The following LIPH variants were observed in gnomAD, a reference collection of about 807,000 sequenced individuals.
LIPH encodes the protein lipase member H.
LIPH carries 32 observed loss-of-function variants against 47.6 expected under a neutral mutation model. The observed-to-expected ratio is 0.67, with a 90% confidence interval of 0.51 to 0.90. The LOEUF (loss-of-function observed/expected upper bound fraction) is 0.90, where lower values mean the gene tolerates loss of function less well. Among genes scored for constraint, LIPH ranks in the 40% least tolerant of loss-of-function variants. The probability of loss-of-function intolerance (pLI) is 0.00; values close to 1 mark genes in which losing one functional copy is unlikely to be tolerated. For missense variants in LIPH, 497 were observed against 541.4 expected (o/e 0.92, Z 0.81); for synonymous variants, 190 against 195.6 (o/e 0.97, Z 0.24).
intron 9 of LIPH, 46 bp downstream of exon 9, chr3:185,511,478 A>G: frequency 6.3e-7 from 1 of 1,577,768 alleles, no homozygotes; most frequent in Non-Finnish European, 8.7e-7. Flanking sequence ...GGATCCAGCA[A>G]CATCTTTGGA....
chr3:185,510,341 A>G (rs1428659115), intron 9 of LIPH, among the ~76,000 whole-genome samples: 3 of 152,228 alleles, frequency 2.0e-5, no homozygotes, highest in African/African-American at 7.2e-5. Flanking sequence ...TGCTAGGACT[A>G]TATGGTAGAC....
chr3:185,526,744 T>C (rs1353397888), intron 4 of LIPH, among the ~76,000 whole-genome samples: 3 of 148,814 alleles, frequency 2.0e-5, no homozygotes, highest in Non-Finnish European at 4.5e-5. Context: ...AAGACAGCAA[T>C]GGCCAAGAAG....
chr3:185,534,409 G>C (rs1416531075), intron 2 of LIPH, among the ~76,000 whole-genome samples: 5 of 151,516 alleles, frequency 3.3e-5, no homozygotes, highest in Non-Finnish European at 7.4e-5. Context: ...AGAAATCCTA[G>C]ACAGAACCTC....
rs1065096 is a variant in LIPH, at chr3:185,506,331, C to T, written c.*2459G>A. 0.42 allele frequency: 63,418 copies of T among 151,972 alleles called. 13,416 individuals carry two copies. Among genetic ancestry groups the T allele is most frequent in the Middle Eastern group, 0.48 (139 of 292 alleles). 9.4% of individuals were successfully genotyped at this position (151,972 alleles called of 1,614,324 possible). On this transcript the variant is annotated 3_prime_UTR_variant, in exon 10 of 10. Transcript: ENST00000296252. ...AACTTACTGAAATTCATCTCCTCTC[C>T]GGTGAACAAACTTCCTTTCTTTATC...
intron 3 of LIPH, among the ~76,000 whole-genome samples, chr3:185,529,477 T>C (rs1720241992): frequency 6.7e-6 from 1 of 149,362 alleles, no homozygotes. Context: ...GGGCACTTGC[T>C]ATGTTGCCCA....
At chr3:185,522,636 G>GAGAAAGAA (rs55846829) in intron 5 of LIPH, among the ~76,000 whole-genome samples, 1 of 138,836 alleles carries the variant, frequency 7.2e-6, no homozygotes, top group African/African-American at 2.7e-5. Context: ...AGAAGGAAAA[G>GAGAAAGAA]AAAGAGAGAA....
chr3:185,527,104 C>T (rs2148954607), intron 4 of LIPH, among the ~76,000 whole-genome samples: 1 of 152,038 alleles, frequency 6.6e-6, no homozygotes, highest in South Asian at 2.1e-4. Flanking sequence ...CCAGGCGTGG[C>T]GGCGTGTGCC....
chr3:185,522,650 A>AAGAAAGAAAAGAAAGAAAGAAAG lies in LIPH; in HGVS notation c.718+1420_718+1421insCTTTCTTTCTTTCTTTTCTTTCT, dbSNP rs1235808164. The stretch of plus-strand genomic sequence containing the variant: ...AAGAAGGAAAAGAAAGAGAGAAAGA[A>AAGAAAGAAAAGAAAGAAAGAAAG]AAAGAAAGAAAGAAAGAAAGAAAGA... On this transcript the variant is annotated intron_variant, in intron 5 of 9. Transcript: ENST00000296252. Among the ~76,000 whole-genome samples, 170 of 141,998 alleles carry AAGAAAGAAAAGAAAGAAAGAAAG rather than the reference A, an allele frequency of 1.2e-3. 3 individuals are homozygous for AAGAAAGAAAAGAAAGAAAGAAAG. Among genetic ancestry groups the AAGAAAGAAAAGAAAGAAAGAAAG allele is most frequent in the African/African-American group, 1.5e-3 (57 of 38,888 alleles). The allele number at this position is 141,998 out of a possible 152,430, so 93.2% of individuals were successfully genotyped here.
At chr3:185,539,894 A>G (rs1308846420) in intron 1 of LIPH, among the ~76,000 whole-genome samples, 4 of 152,184 alleles carry the variant, frequency 2.6e-5, no homozygotes, top group East Asian at 1.9e-4. Flanking sequence ...CAGCATTTAC[A>G]TGAAGCCATG....
At chr3:185,529,422 T>TTC (rs1206891664) in intron 3 of LIPH, among the ~76,000 whole-genome samples, 10 of 148,504 alleles carry the variant, frequency 6.7e-5, no homozygotes, top group Admixed American at 4.7e-4. Flanking sequence ...CTTTTTCTTT[T>TTC]TTTTTTTTTA....
chr3:185,535,820 C>T (rs1369454882), intron 1 of LIPH, among the ~76,000 whole-genome samples: 3 of 152,098 alleles, frequency 2.0e-5, no homozygotes, highest in Non-Finnish European at 4.4e-5. Flanking sequence ...CCAGGCTGGT[C>T]TCGAACTCCT....
Position 185,527,475 on chromosome 3 carries a change from G to A in LIPH, c.628+9C>T. ...CGGTGTCACTGACCCACAAGGAAAG[G>A]AGCGTTACCATCAGTGTCGGAATGG... On this transcript the variant is annotated intron_variant, in intron 4 of 9. Transcript: ENST00000296252. 1 of 1,591,692 alleles carries A rather than the reference G, an allele frequency of 6.3e-7. No homozygotes were observed. The highest frequency in any genetic ancestry group is 8.6e-7 in the Non-Finnish European group (1 of 1,160,266).
intron 8 of LIPH, among the ~76,000 whole-genome samples, chr3:185,513,716 G>A (rs141704267): frequency 6.6e-6 from 1 of 152,190 alleles, no homozygotes; most frequent in African/African-American, 2.4e-5. Flanking sequence ...TGTGGTATAT[G>A]CATATAATCA....
Position 185,525,549 on chromosome 3 carries a change from G to A in LIPH, c.629-1389C>T, listed in dbSNP as rs566433656. Among the ~76,000 whole-genome samples the A allele has an allele frequency of 2.8e-4, 43 of 151,942 alleles. No homozygotes were observed. In the East Asian group the frequency reaches 4.3e-3, roughly 15 times the overall value. On this transcript the variant is annotated intron_variant, in intron 4 of 9. Coordinates refer to ENST00000296252, the MANE Select transcript of LIPH (RefSeq NM_139248.3). ...TCCTAGCACTTTGGGAGGCCAAGGC[G>A]GAAGGATCATTTGAGCTCAGGAGTT...
rs143964190 is a variant in LIPH at position 185,517,797 on chromosome 3, C to A, written c.887-635G>T. On this transcript the variant is annotated intron_variant, in intron 6 of 9. Transcript: ENST00000296252. The stretch of plus-strand genomic sequence containing the variant: ...CTAAAGCACAATCAAGGTTGAGAAC[C>A]CCTTGTCTATACCATGCCCTGTTGT... Among the ~76,000 whole-genome samples, 16 of 152,162 alleles carry A rather than the reference C, an allele frequency of 1.1e-4. No homozygotes were observed. In the East Asian group the frequency reaches 2.9e-3, roughly 28 times the overall value.
intron 4 of LIPH, among the ~76,000 whole-genome samples, chr3:185,525,036 G>A (rs1199812533): frequency 2.6e-5 from 4 of 151,790 alleles, no homozygotes; most frequent in South Asian, 2.1e-4. Context: ...GCAAAATGGC[G>A]AAACCCCGTC....
rs780887024 is a variant in LIPH at position 185,519,132 on chromosome 3, T to C, written c.886+10A>G. 6.2e-7 allele frequency: 1 copy of C among 1,612,062 alleles called. No homozygotes were observed. Among genetic ancestry groups the C allele is most frequent in the East Asian group, 2.2e-5 (1 of 44,864 alleles). On this transcript the variant is annotated intron_variant, in intron 6 of 9. Coordinates refer to ENST00000296252, the MANE Select transcript of LIPH (RefSeq NM_139248.3). Reference sequence around the variant, plus strand: ...TGTGAATCAGAGAGGAAACTGCTGGTTAGACTTACCCAGAAGGGGACAGGA... The same window carrying C: ...TGTGAATCAGAGAGGAAACTGCTGGCTAGACTTACCCAGAAGGGGACAGGA...
At chr3:185,528,837 A>G (rs1023989086) in intron 3 of LIPH, among the ~76,000 whole-genome samples, 1 of 152,124 alleles carries the variant, frequency 6.6e-6, no homozygotes, top group Non-Finnish European at 1.5e-5. Context: ...AGAAGCTCCT[A>G]TGATGTTGTA....
intron 1 of LIPH, among the ~76,000 whole-genome samples, chr3:185,545,511 G>A (rs912541081): frequency 2.0e-5 from 3 of 152,176 alleles, no homozygotes; most frequent in Non-Finnish European, 4.4e-5. Flanking sequence ...GAATGGCTAT[G>A]ACTAATGGCC....
Sources: gnomAD v4.1 joint callset for allele counts (sites outside exome capture counted in the v4.1 genomes callset) on GRCh38, gnomAD v4.1.1 for gene constraint, MANE v1.5 for transcripts, NCBI Gene and HGNC (gene_info 2026-07-23, HGNC 2026-07-21) for gene names.